The following ASTN2 variants were observed in gnomAD, a reference collection of about 807,000 sequenced individuals.
ASTN2 encodes astrotactin 2.
In ASTN2, 54 loss-of-function variants were observed where a neutral mutation model predicts 139.8. The observed-to-expected ratio is 0.39, with a 90% CI of 0.31 to 0.48. The LOEUF (loss-of-function observed/expected upper bound fraction) is 0.48, where lower values mean the gene tolerates loss of function less well. ASTN2 is among the 20% of genes least tolerant of loss of function. The pLI is 0.95. For missense variants in ASTN2, 1,565 were observed against 1,725.1 expected (o/e 0.91, Z 1.64); for synonymous variants, 756 against 719.5 (o/e 1.05, Z -0.81).
intron 5 of ASTN2, among the ~76,000 whole-genome samples, chr9:117,054,031 G>T (rs370389143): frequency 2.1e-5 from 3 of 140,074 alleles, no homozygotes; most frequent in Non-Finnish European, 3.1e-5. Flanking sequence ...GATAAAAAAA[G>T]AAAAAAAAAA....
chr9:117,214,515 C>G lies in ASTN2; in HGVS notation c.858G>C (p.Glu286Asp). ...HNSVIGVPIR[E>D]TPILDDYDCE... ...AGTCATAGTCATCCAGGATGGGAGT[C>G]TCCCGGATGGGCACGCCAATGACGG... The change falls in exon 3 of 23, where the codon GAG (glutamate) becomes GAC (aspartate). Residue 286 changes from glutamate (E) to aspartate (D), a missense_variant. By Grantham distance (45) the Glu-to-Asp change is conservative. Around this residue, in one of 4 missense-constraint regions of ASTN2, gnomAD observed 596 missense variants for 576.8 expected, o/e 1.03. Coordinates refer to ENST00000313400, the MANE Select transcript of ASTN2 (RefSeq NM_001365068.1). 6.2e-7 allele frequency: 1 copy of G among 1,614,112 alleles called. No homozygotes were observed. The highest frequency in any genetic ancestry group is 8.5e-7 in the Non-Finnish European group (1 of 1,179,956).
At chr9:116,863,555 C>A (rs779069160) in intron 11 of ASTN2, 28 bp downstream of exon 11, 4 of 1,610,298 alleles carry the variant, frequency 2.5e-6, no homozygotes, top group Non-Finnish European at 2.5e-6. Context: ...TGGGCCACTG[C>A]CATGTTCCCG....
chr9:116,856,469 C>T (rs1050026974), intron 11 of ASTN2, among the ~76,000 whole-genome samples: 2 of 152,188 alleles, frequency 1.3e-5, no homozygotes, highest in African/African-American at 2.4e-5. Flanking sequence ...TAGTCTTCCC[C>T]ACCCCTCTTG....
At chr9:116,522,913 G>C (rs1850939877) in intron 19 of ASTN2, among the ~76,000 whole-genome samples, 1 of 151,962 alleles carries the variant, frequency 6.6e-6, no homozygotes, top group South Asian at 2.1e-4. Context: ...TATTAACTAT[G>C]AATAAAAAAA....
intron 1 of ASTN2, among the ~76,000 whole-genome samples, chr9:117,398,627 T>A (rs1472917040): frequency 6.6e-6 from 1 of 152,226 alleles, no homozygotes; most frequent in Non-Finnish European, 1.5e-5. Flanking sequence ...AGGTGGCTAT[T>A]CACAAACATA....
At chr9:117,345,603 A>T (rs989490898) in intron 1 of ASTN2, among the ~76,000 whole-genome samples, 11 of 152,190 alleles carry the variant, frequency 7.2e-5, no homozygotes, top group Non-Finnish European at 2.9e-5. Context: ...GAATTCAAGC[A>T]AATTGAAACT....
At chr9:117,082,762 C>T (rs1308023612) in intron 5 of ASTN2, among the ~76,000 whole-genome samples, 1 of 152,182 alleles carries the variant, frequency 6.6e-6, no homozygotes, top group Non-Finnish European at 1.5e-5. Flanking sequence ...GAGATTGTGC[C>T]ACTGCACTCT....
chr9:116,964,461 G>C (rs1204944730), intron 10 of ASTN2, among the ~76,000 whole-genome samples: 1 of 152,212 alleles, frequency 6.6e-6, no homozygotes, highest in Non-Finnish European at 1.5e-5. Flanking sequence ...AGGTGAGACA[G>C]AGTGAGGCTT....
intron 12 of ASTN2, among the ~76,000 whole-genome samples, chr9:116,806,648 T>C (rs995702750): frequency 1.3e-5 from 2 of 152,160 alleles, no homozygotes; most frequent in Admixed American, 1.3e-4. Flanking sequence ...CCTGTACAAA[T>C]GCCATTTTTC....
chr9:117,289,130 C>T (rs1834521539), intron 2 of ASTN2, among the ~76,000 whole-genome samples: 1 of 152,142 alleles, frequency 6.6e-6, no homozygotes, highest in Non-Finnish European at 1.5e-5. Flanking sequence ...AGAGGAAGAA[C>T]ACCCTGGGGT....
chr9:117,402,685 T>C (rs1443581213), intron 1 of ASTN2, among the ~76,000 whole-genome samples: 1 of 152,212 alleles, frequency 6.6e-6, no homozygotes, highest in Non-Finnish European at 1.5e-5. Flanking sequence ...AACATACTTA[T>C]ACTAAACAAG....
intron 1 of ASTN2, among the ~76,000 whole-genome samples, chr9:117,337,109 G>T (rs1282801692): frequency 6.6e-6 from 1 of 152,130 alleles, no homozygotes; most frequent in African/African-American, 2.4e-5. Flanking sequence ...AAAAATACAT[G>T]TATGCAAATC....
chr9:116,889,985 G>T (rs534443095), intron 10 of ASTN2, among the ~76,000 whole-genome samples: 1 of 151,398 alleles, frequency 6.6e-6, no homozygotes, highest in Non-Finnish European at 1.5e-5. Context: ...AGAGAGGAGG[G>T]AGGAAAAGGA....
intron 1 of ASTN2, among the ~76,000 whole-genome samples, chr9:117,404,209 C>A (rs1830917521): frequency 6.6e-6 from 1 of 152,166 alleles, no homozygotes; most frequent in Non-Finnish European, 1.5e-5. Flanking sequence ...AATTAAGTGA[C>A]TATTATGTTT....
At chr9:116,879,344 GAGACAGACAGACAGACAGACAGAC>G (rs55856269) in intron 10 of ASTN2, among the ~76,000 whole-genome samples, 10 of 149,672 alleles carry the variant, frequency 6.7e-5, no homozygotes, top group East Asian at 2.0e-4. Flanking sequence ...GAGAGAGACA[GAGACAGACAGACAGACAGACAGAC>G]AGACAGACAG....
chr9:117,200,271 A>G (rs1831662749), intron 3 of ASTN2, among the ~76,000 whole-genome samples: 1 of 132,756 alleles, frequency 7.5e-6, no homozygotes, highest in African/African-American at 2.8e-5. Context: ...GTGATGTTCG[A>G]TGGGGTTTTC....
chr9:116,536,636 G>A (rs1422091887), intron 19 of ASTN2, among the ~76,000 whole-genome samples: 1 of 152,260 alleles, frequency 6.6e-6, no homozygotes, highest in Non-Finnish European at 1.5e-5. Context: ...GACCCTGTTT[G>A]CCTGGGTATC....
chr9:116,652,647 T>C (rs1042863887), intron 16 of ASTN2, among the ~76,000 whole-genome samples: 22 of 152,152 alleles, frequency 1.4e-4, no homozygotes, highest in African/African-American at 5.1e-4. Flanking sequence ...GTGACTCCAA[T>C]GATAAATTCT....
intron 1 of ASTN2, among the ~76,000 whole-genome samples, chr9:117,299,612 A>G (rs1564133796): frequency 6.6e-6 from 1 of 152,316 alleles, no homozygotes; most frequent in East Asian, 1.9e-4. Context: ...CGCAGAAGCC[A>G]CCATTATAGA....
Sources: gnomAD v4.1 joint callset for allele counts (sites outside exome capture counted in the v4.1 genomes callset) on GRCh38, gnomAD v4.1.1 for gene constraint, gnomAD v4.1.1 regional missense constraint, MANE v1.5 for transcripts, NCBI Gene and HGNC (gene_info 2026-07-23, HGNC 2026-07-21) for gene names.